The following SHISA9 variants were observed in gnomAD, a reference collection of about 807,000 sequenced individuals.
The protein encoded by SHISA9 is protein shisa-9.
Under a neutral mutation model 38.0 loss-of-function variants are expected in SHISA9, and 13 were observed. The ratio of observed to expected loss-of-function variants is 0.34; its 90% CI spans 0.22 to 0.54. The LOEUF is 0.54. Among genes scored for constraint, SHISA9 ranks in the 20% least tolerant of loss-of-function variants. The probability of loss-of-function intolerance (pLI) is 0.91; values close to 1 mark genes in which losing one functional copy is unlikely to be tolerated. For missense variants in SHISA9, 538 were observed against 575.8 expected, an observed-to-expected ratio of 0.93 and a Z score of 0.67; for synonymous variants, 275 against 242.0, an observed-to-expected ratio of 1.14 and a Z score of -1.27.
At chr16:13,487,238 C>G in the SHISA9 span, among the ~76,000 whole-genome samples, 1 of 152,166 alleles carries the variant, frequency 6.6e-6, no homozygotes, top group Admixed American at 6.5e-5. Flanking sequence ...TGCATATAAC[C>G]TATACATATC....
chr16:13,225,394 A>G (rs568765399), intron 4 of SHISA9, among the ~76,000 whole-genome samples: 40 of 152,326 alleles, frequency 2.6e-4, no homozygotes, highest in African/African-American at 9.4e-4. Context: ...CACAATAGGT[A>G]TGGAGCAGAG....
chr16:13,351,608 T>C, the SHISA9 span, among the ~76,000 whole-genome samples: 6 of 152,240 alleles, frequency 3.9e-5, no homozygotes, highest in Admixed American at 1.3e-4. Context: ...CCCAGGTTAC[T>C]GTTTATTTCC....
At chr16:13,114,944 C>G (rs1031805816) in intron 2 of SHISA9, among the ~76,000 whole-genome samples, 1 of 129,326 alleles carries the variant, frequency 7.7e-6, no homozygotes, top group East Asian at 2.4e-4. Context: ...CCATCCTTCT[C>G]TCTCTCCCTG....
At chr16:13,394,520 G>C in the SHISA9 span, among the ~76,000 whole-genome samples, 1 of 151,892 alleles carries the variant, frequency 6.6e-6, no homozygotes, top group Non-Finnish European at 1.5e-5. Flanking sequence ...TCTCAGCTTT[G>C]AGCCAATAAC....
At chr16:13,119,715 G>A (rs560344717) in intron 2 of SHISA9, among the ~76,000 whole-genome samples, 1 of 152,196 alleles carries the variant, frequency 6.6e-6, no homozygotes, top group Non-Finnish European at 1.5e-5. Context: ...GGCTGTATCT[G>A]ATTTCTTCCC....
the SHISA9 span, among the ~76,000 whole-genome samples, chr16:13,463,781 G>A: frequency 6.6e-6 from 1 of 152,204 alleles, no homozygotes; most frequent in Non-Finnish European, 1.5e-5. Flanking sequence ...GCAAAGAATT[G>A]ATTCCCGTGT....
the SHISA9 span, among the ~76,000 whole-genome samples, chr16:13,371,687 A>T: frequency 6.6e-6 from 1 of 152,230 alleles, no homozygotes; most frequent in Non-Finnish European, 1.5e-5. Context: ...CTGACATCTG[A>T]ATACTTATTT....
intron 2 of SHISA9, among the ~76,000 whole-genome samples, chr16:12,925,637 G>GTAAAGAAAGCC (rs1189341846): frequency 6.6e-6 from 1 of 152,204 alleles, no homozygotes; most frequent in Non-Finnish European, 1.5e-5. Flanking sequence ...AGGACTATTT[G>GTAAAGAAAGCC]TAAAGAAAGC....
At chr16:12,909,677 C>A in intron 1 of SHISA9, 1 of 889,578 alleles carries the variant, frequency 1.1e-6, no homozygotes, top group Non-Finnish European at 1.3e-6. Context: ...CGTCCCTGAC[C>A]AGGCTTAGTT....
At chr16:12,973,955 C>G (rs1202201050) in intron 2 of SHISA9, among the ~76,000 whole-genome samples, 9 of 152,170 alleles carry the variant, frequency 5.9e-5, no homozygotes, top group Admixed American at 5.9e-4. Flanking sequence ...TAAAAGTATG[C>G]TTGCTTTCCT....
chr16:13,281,800 A>T, the SHISA9 span, among the ~76,000 whole-genome samples: 8 of 151,226 alleles, frequency 5.3e-5, no homozygotes, highest in Admixed American at 2.0e-4. Context: ...TTTTCCCTTC[A>T]TACCTGGGCC....
At chr16:13,330,039 A>T in the SHISA9 span, among the ~76,000 whole-genome samples, 2 of 152,204 alleles carry the variant, frequency 1.3e-5, no homozygotes, top group Non-Finnish European at 2.9e-5. Flanking sequence ...GCCATGGCTT[A>T]CTCATCTCTG....
intron 2 of SHISA9, among the ~76,000 whole-genome samples, chr16:13,148,969 A>C (rs1018660469): frequency 6.6e-6 from 1 of 152,158 alleles, no homozygotes; most frequent in African/African-American, 2.4e-5. Context: ...CTGATGTCTG[A>C]CGTCAGTGCC....
chr16:12,947,445 C>T (rs1326867384), intron 2 of SHISA9, among the ~76,000 whole-genome samples: 1 of 152,140 alleles, frequency 6.6e-6, no homozygotes, highest in Non-Finnish European at 1.5e-5. Flanking sequence ...TTATTTGGAG[C>T]AGCTATAAAC....
intron 4 of SHISA9, among the ~76,000 whole-genome samples, chr16:13,231,439 G>A (rs1208827707): frequency 6.6e-6 from 1 of 152,178 alleles, no homozygotes; most frequent in Non-Finnish European, 1.5e-5. Context: ...AGGAAGATGG[G>A]TTCTAGTCCC....
chr16:13,140,762 T>TG (rs2050395348), intron 2 of SHISA9, among the ~76,000 whole-genome samples: 5 of 152,096 alleles, frequency 3.3e-5, no homozygotes, highest in African/African-American at 1.2e-4. Context: ...GTGAATTCTG[T>TG]AGGGAGGGTT....
the SHISA9 span, among the ~76,000 whole-genome samples, chr16:13,464,509 T>G: frequency 6.6e-6 from 1 of 152,230 alleles, no homozygotes; most frequent in Non-Finnish European, 1.5e-5. Context: ...TTTTGCAACT[T>G]GAGTCTGAAC....
intron 2 of SHISA9, among the ~76,000 whole-genome samples, chr16:13,007,828 G>A (rs921337355): frequency 6.6e-6 from 1 of 152,130 alleles, no homozygotes; most frequent in African/African-American, 2.4e-5. Context: ...CTTGTGCCCT[G>A]TCATCTTTCT....
At chr16:13,209,915 C>T (rs931022936) in intron 3 of SHISA9, among the ~76,000 whole-genome samples, 1 of 152,078 alleles carries the variant, frequency 6.6e-6, no homozygotes, top group African/African-American at 2.4e-5. Context: ...CCTGGTTAAC[C>T]CAGTGAAACC....
Sources: gnomAD v4.1 joint callset for allele counts (sites outside exome capture counted in the v4.1 genomes callset) on GRCh38, gnomAD v4.1.1 for gene constraint, MANE v1.5 for transcripts, NCBI Gene and HGNC (gene_info 2026-07-23, HGNC 2026-07-21) for gene names.